The following DIAPH1 variants were observed in gnomAD, a reference collection of about 807,000 sequenced individuals.
DIAPH1 encodes the protein diaphanous related formin 1.
In DIAPH1, 46 loss-of-function variants were observed where a neutral mutation model predicts 140.7. The ratio of observed to expected loss-of-function variants is 0.33; its 90% CI spans 0.26 to 0.42. DIAPH1 has a LOEUF of 0.42. Among genes scored for constraint, DIAPH1 ranks in the 10% least tolerant of loss-of-function variants. DIAPH1 has a pLI of 1.00. For synonymous variants in DIAPH1, 565 were observed against 551.6 expected (o/e 1.02, Z -0.34); for missense variants, 1,310 against 1,558.7 (o/e 0.84, Z 2.69).
At chr5:141,551,392 G>A (rs777207035) in intron 18 of DIAPH1, among the ~76,000 whole-genome samples, 4 of 152,192 alleles carry the variant, frequency 2.6e-5, no homozygotes, top group Non-Finnish European at 5.9e-5. Flanking sequence ...GGAGTTCAAG[G>A]TTACAGTGTC....
chr5:141,618,779 G>T lies in DIAPH1; in HGVS notation c.117+19C>A, dbSNP rs1212451803. On this transcript the variant is annotated intron_variant, in intron 1 of 27. Transcript: ENST00000389054. ...GCGGTTACGGGGCCAGGCAGGAGCGGGATGGGAGGGACACTCACAAATTTC... is the reference window on the plus strand; with the variant it reads ...GCGGTTACGGGGCCAGGCAGGAGCGTGATGGGAGGGACACTCACAAATTTC... The T allele has an allele frequency of 1.6e-5, 24 of 1,523,622 alleles. No individual in the cohort carries two copies. Among genetic ancestry groups the T allele is most frequent in the Non-Finnish European group, 2.0e-5 (22 of 1,120,542 alleles). 94.4% of individuals were successfully genotyped at this position (1,523,622 alleles called of 1,614,324 possible).
chr5:141,548,903 T>C (rs2099891250), intron 18 of DIAPH1, among the ~76,000 whole-genome samples: 1 of 152,200 alleles, frequency 6.6e-6, no homozygotes, highest in Non-Finnish European at 1.5e-5. Flanking sequence ...AAGTCAAGTA[T>C]GTATATTGTA....
Position 141,618,834 on chromosome 5 carries a change from G to T in DIAPH1, c.81C>A (p.Pro27=). 6.5e-7 allele frequency: 1 copy of T among 1,549,626 alleles called. No individual in the cohort carries two copies. The highest frequency in any genetic ancestry group is 2.5e-5 in the East Asian group (1 of 40,522). ...KKKGRSPDEL[P]SAGGDGGKSK... ...ATTTGCCGCCGTCGCCGCCCGCCGA[G>T]GGCAGCTCATCTGGGCTCCGGCCCT... The change falls in exon 1 of 28, where the codon CCC becomes CCA. Residue 27 remains proline (P), a synonymous_variant. Transcript: ENST00000389054.
intron 18 of DIAPH1, among the ~76,000 whole-genome samples, chr5:141,549,435 C>T (rs1458094903): frequency 2.0e-5 from 3 of 151,798 alleles, no homozygotes; most frequent in Non-Finnish European, 2.9e-5. Flanking sequence ...AAAGACAAAT[C>T]CATAACCACA....
intron 2 of DIAPH1, among the ~76,000 whole-genome samples, chr5:141,587,715 T>C (rs527694172): frequency 6.6e-6 from 1 of 152,236 alleles, no homozygotes; most frequent in Non-Finnish European, 1.5e-5. Context: ...TCCAAAGCAC[T>C]TGTGTAATGT....
intron 1 of DIAPH1, among the ~76,000 whole-genome samples, chr5:141,591,549 G>A (rs568057996): frequency 6.6e-6 from 1 of 150,962 alleles, no homozygotes; most frequent in Non-Finnish European, 1.5e-5. Flanking sequence ...GAGGTCATAT[G>A]ATTAGGGGAT....
rs143691978 is a variant in DIAPH1 at position 141,525,747 on chromosome 5, T to C, written c.3574+291A>G. 0.011 allele frequency among the ~76,000 whole-genome samples: 1,742 copies of C among 152,160 alleles called. 26 individuals carry two copies. The highest frequency in any genetic ancestry group is 0.028 in the African/African-American group (1,148 of 41,494). ...AGAACAGGCCAGAGGAACCTTTGGA[T>C]GGACAGAAGGAAAACAGTATATATC... On this transcript the variant is annotated intron_variant, in intron 26 of 27. Coordinates refer to ENST00000389054, the MANE Select transcript of DIAPH1 (RefSeq NM_005219.5).
chr5:141,600,680 C>T (rs1169592849), intron 1 of DIAPH1, among the ~76,000 whole-genome samples: 2 of 152,112 alleles, frequency 1.3e-5, no homozygotes, highest in African/African-American at 2.4e-5. Context: ...AGGTCATAAA[C>T]AAAATGGAGT....
intron 27 of DIAPH1, among the ~76,000 whole-genome samples, chr5:141,523,049 G>C (rs949156763): frequency 6.6e-6 from 1 of 152,192 alleles, no homozygotes; most frequent in Non-Finnish European, 1.5e-5. Flanking sequence ...CATGCTCTAA[G>C]GTCCCCCTTT....
intron 18 of DIAPH1, among the ~76,000 whole-genome samples, chr5:141,548,143 G>A (rs1453351431): frequency 6.6e-6 from 1 of 151,930 alleles, no homozygotes; most frequent in Non-Finnish European, 1.5e-5. Context: ...AGGCTACCAT[G>A]AGCTATGATT....
At position 141,618,919 on chromosome 5, in the gene DIAPH1, C is replaced by G; in HGVS notation, c.-5G>C. 2.0e-6 allele frequency: 3 copies of G among 1,484,372 alleles called. No homozygotes were observed. Among genetic ancestry groups the G allele is most frequent in the Non-Finnish European group, 2.7e-6 (3 of 1,112,442 alleles). 92.0% of individuals were successfully genotyped at this position (1,484,372 alleles called of 1,614,324 possible). ...GCTCCCGCCGGGCGGCTCCATGTCCCGGTTCACGCTGGCCGGCGACCCCGC... is the reference window on the plus strand; with the variant it reads ...GCTCCCGCCGGGCGGCTCCATGTCCGGGTTCACGCTGGCCGGCGACCCCGC... On this transcript the variant is annotated 5_prime_UTR_variant, in exon 1 of 28. Coordinates refer to ENST00000389054, the MANE Select transcript of DIAPH1 (RefSeq NM_005219.5).
chr5:141,517,868 C>T (rs2099885932), intron 27 of DIAPH1, among the ~76,000 whole-genome samples: 1 of 152,128 alleles, frequency 6.6e-6, no homozygotes, highest in Admixed American at 6.6e-5. Flanking sequence ...GGTTTCATCC[C>T]CAAGACTCTC....
intron 18 of DIAPH1, chr5:141,535,987 GTACAAAGAAC>G (rs1252623042): frequency 4.3e-6 from 2 of 468,820 alleles, no homozygotes; most frequent in African/African-American, 4.0e-5. Context: ...CATACAAAAG[GTACAAAGAAC>G]TATAAAACAC....
intron 1 of DIAPH1, among the ~76,000 whole-genome samples, chr5:141,608,589 T>G (rs1414598112): frequency 2.6e-5 from 4 of 152,082 alleles, no homozygotes; most frequent in African/African-American, 9.7e-5. Flanking sequence ...GGATCTAGAG[T>G]AGATACATGT....
At chr5:141,533,319 A>T (rs1681937457) in intron 19 of DIAPH1, among the ~76,000 whole-genome samples, 1 of 152,198 alleles carries the variant, frequency 6.6e-6, no homozygotes, top group Admixed American at 6.5e-5. Flanking sequence ...AAAAGAACAA[A>T]AATTTAACAT....
intron 18 of DIAPH1, among the ~76,000 whole-genome samples, chr5:141,538,091 C>T (rs1198963594): frequency 4.0e-5 from 6 of 149,746 alleles, no homozygotes; most frequent in Non-Finnish European, 5.9e-5. Flanking sequence ...GACAGAGTCT[C>T]GCTCTGTCAC....
intron 18 of DIAPH1, among the ~76,000 whole-genome samples, chr5:141,534,814 A>C (rs2099888764): frequency 6.6e-6 from 1 of 152,182 alleles, no homozygotes; most frequent in Non-Finnish European, 1.5e-5. Context: ...TACATAAATG[A>C]ATGGGCATGG....
At chr5:141,606,558 A>G (rs1218665279) in intron 1 of DIAPH1, among the ~76,000 whole-genome samples, 1 of 151,894 alleles carries the variant, frequency 6.6e-6, no homozygotes, top group African/African-American at 2.4e-5. Context: ...CCACGCCTGG[A>G]TAATTTTTGT....
chr5:141,599,699 C>T (rs972268642), intron 1 of DIAPH1, among the ~76,000 whole-genome samples: 1 of 152,182 alleles, frequency 6.6e-6, no homozygotes, highest in African/African-American at 2.4e-5. Flanking sequence ...CTGACATCCA[C>T]CCTTGCTCAT....
Sources: allele counts gnomAD v4.1 joint callset (sites outside exome capture counted in the v4.1 genomes callset), GRCh38; gene constraint gnomAD v4.1.1; transcripts MANE v1.5; gene names NCBI Gene and HGNC (gene_info 2026-07-23, HGNC 2026-07-21).